Variants in HMCN1 observed in about 807,000 individuals in gnomAD.
HMCN1 encodes the protein hemicentin-1.
Under a neutral mutation model 625.9 loss-of-function variants are expected in HMCN1, and 321 were observed. The observed-to-expected ratio is 0.51, with a 90% CI of 0.47 to 0.56. The LOEUF (loss-of-function observed/expected upper bound fraction) is 0.56. HMCN1 is among the 20% of genes least tolerant of loss of function. The pLI is 0.00. For missense variants in HMCN1, 6,588 were observed against 6,887.3 expected (o/e 0.96, Z 1.54); for synonymous variants, 2,425 against 2,417.6 (o/e 1.00, Z -0.09).
intron 97 of HMCN1, among the ~76,000 whole-genome samples, chr1:186,163,462 C>T (rs1468827941): frequency 2.6e-5 from 4 of 152,150 alleles, no homozygotes; most frequent in Admixed American, 1.3e-4. Flanking sequence ...GAACCCAGTA[C>T]CTCAGATGGA....
At chr1:186,155,137 A>ATTTAT (rs1650912023) in intron 97 of HMCN1, among the ~76,000 whole-genome samples, 1 of 152,222 alleles carries the variant, frequency 6.6e-6, no homozygotes, top group Non-Finnish European at 1.5e-5. Flanking sequence ...TATGCTAAAA[A>ATTTAT]TTTATTTTCA....
intron 81 of HMCN1, among the ~76,000 whole-genome samples, chr1:186,123,462 A>T (rs1437673551): frequency 1.3e-5 from 2 of 152,104 alleles, no homozygotes; most frequent in Non-Finnish European, 2.9e-5. Context: ...AGGATTTTTA[A>T]TGTGTTGCTA....
At chr1:185,841,336 G>C (rs1415003947) in intron 1 of HMCN1, among the ~76,000 whole-genome samples, 2 of 152,092 alleles carry the variant, frequency 1.3e-5, no homozygotes, top group African/African-American at 4.8e-5. Flanking sequence ...TAAAAAATAA[G>C]TTATATATGA....
chr1:185,864,205 C>T lies in HMCN1; in HGVS notation c.340-265C>T, dbSNP rs552632052. 1.7e-4 allele frequency among the ~76,000 whole-genome samples: 26 copies of T among 152,192 alleles called. No individual in the cohort carries two copies. In the East Asian group the frequency reaches 5.0e-3, roughly 29 times the overall value. ...TATGAGATCATCGTGTAAGAGAAGG[C>T]AGAGTGAATAGACATTTAATTTTAT... On this transcript the variant is annotated intron_variant, in intron 2 of 106. Transcript: ENST00000271588.
chr1:186,044,273 TAGC>T (rs1656403565), intron 40 of HMCN1, among the ~76,000 whole-genome samples: 1 of 152,178 alleles, frequency 6.6e-6, no homozygotes, highest in Admixed American at 6.6e-5. Flanking sequence ...CTACTAAATT[TAGC>T]AGAAGGAACG....
At chr1:185,735,260 G>A (rs1040456551) in intron 1 of HMCN1, among the ~76,000 whole-genome samples, 2 of 152,178 alleles carry the variant, frequency 1.3e-5, no homozygotes, top group East Asian at 3.9e-4. Context: ...CTTGTTTAGG[G>A]AACTTGTACT....
At chr1:186,003,668 G>C (rs2102075133) in intron 28 of HMCN1, 50 bp from the exon 29 acceptor site, 1 of 1,598,876 alleles carries the variant, frequency 6.3e-7, no homozygotes, top group South Asian at 1.1e-5. Context: ...CCCCATGCCT[G>C]CTCTTTTTGC....
At position 186,001,704 on chromosome 1, in the gene HMCN1, A is replaced by G. The variant is rs998608541; in HGVS notation, c.4311A>G (p.Ala1437=). 1.2e-6 allele frequency: 2 copies of G among 1,612,636 alleles called. No individual in the cohort carries two copies. Among genetic ancestry groups the G allele is most frequent in the South Asian group, 2.2e-5 (2 of 91,056 alleles). The change falls in exon 28 of 107, where the codon GCA becomes GCG. Residue 1437 remains alanine (A), a synonymous_variant. Coordinates refer to ENST00000271588, the MANE Select transcript of HMCN1 (RefSeq NM_031935.3). ...ATTCCTGCAAAGCAATTAATATTGC[A>G]GGCACTTCTCAGAAGTACTTTAACA... is the stretch of plus-strand genomic sequence containing the variant. ...GRYSCKAINI[A]GTSQKYFNID...
At chr1:185,884,875 A>T (rs6690968) in intron 4 of HMCN1, among the ~76,000 whole-genome samples, 1 of 152,010 alleles carries the variant, frequency 6.6e-6, no homozygotes, top group Non-Finnish European at 1.5e-5. Flanking sequence ...AATGGCATTG[A>T]TCGTATCAAA....
At chr1:185,771,409 C>T (rs553755848) in intron 1 of HMCN1, among the ~76,000 whole-genome samples, 54 of 152,212 alleles carry the variant, frequency 3.5e-4, no homozygotes, top group African/African-American at 1.3e-3. Context: ...TTTGGTTAGG[C>T]TCTAGGAATG....
intron 1 of HMCN1, among the ~76,000 whole-genome samples, chr1:185,764,041 T>C (rs1313772666): frequency 6.6e-6 from 1 of 152,164 alleles, no homozygotes; most frequent in East Asian, 1.9e-4. Context: ...TCATTCTTCA[T>C]GGGAAGGAAG....
chr1:185,919,656 G>C (rs934393965), intron 6 of HMCN1, among the ~76,000 whole-genome samples: 1 of 152,110 alleles, frequency 6.6e-6, no homozygotes, highest in Non-Finnish European at 1.5e-5. Context: ...CCTCAAACCA[G>C]CATAATTAAA....
chr1:186,065,416 T>A lies in HMCN1; in HGVS notation c.7692T>A (p.Ser2564Arg), dbSNP rs1244136353. Reference protein sequence around the residue: ...SPAGHKSRSFSLNVFVSPTIA... With the variant: ...SPAGHKSRSFRLNVFVSPTIA... Reference sequence around the variant, plus strand: ...CTGGCCACAAGAGCAGGAGCTTCAGTCTTAATGTATTTGGTAGGTGTGGGC... The same window carrying A: ...CTGGCCACAAGAGCAGGAGCTTCAGACTTAATGTATTTGGTAGGTGTGGGC... The change falls in exon 49 of 107, where the codon AGT (serine) becomes AGA (arginine). Residue 2564 changes from serine to arginine, a missense_variant. This residue lies in a region of HMCN1 where 4,628 missense variants were observed against 4,853.1 expected (regional missense o/e 0.95). Transcript: ENST00000271588. The A allele has an allele frequency of 6.2e-7, 1 of 1,603,642 alleles. No homozygotes were observed. Among genetic ancestry groups the A allele is most frequent in the African/African-American group, 1.3e-5 (1 of 74,734 alleles).
rs760636262 is a variant in HMCN1, at chr1:186,057,340, C to G, written c.7251C>G (p.Ser2417=). 2 of 1,610,972 alleles carry G rather than the reference C, an allele frequency of 1.2e-6. No homozygotes were observed. The highest frequency in any genetic ancestry group is 1.7e-6 in the Non-Finnish European group (2 of 1,177,542). The part of the protein sequence containing the change: ...TCEASGIPLP[S]ITWFKDGWPV... ...AAGCTTCTGGAATTCCCCTGCCTTC[C>G]ATAACCTGGTTCAAAGATGGGTGGC... The change falls in exon 46 of 107, where the codon TCC becomes TCG. Residue 2417 remains serine, a synonymous_variant. Coordinates refer to ENST00000271588, the MANE Select transcript of HMCN1 (RefSeq NM_031935.3).
intron 4 of HMCN1, among the ~76,000 whole-genome samples, chr1:185,904,009 C>T (rs1252782106): frequency 4.6e-5 from 7 of 151,914 alleles, no homozygotes; most frequent in South Asian, 4.2e-4. Flanking sequence ...TTTATTTTCA[C>T]GGGATGATGT....
At chr1:186,169,401 A>G (rs566745621) in intron 100 of HMCN1, among the ~76,000 whole-genome samples, 1 of 152,346 alleles carries the variant, frequency 6.6e-6, no homozygotes, top group African/African-American at 2.4e-5. Context: ...CTAAGCAAAA[A>G]GAACAAAGCT....
chr1:185,902,375 A>G (rs1665852582), intron 4 of HMCN1, among the ~76,000 whole-genome samples: 1 of 149,908 alleles, frequency 6.7e-6, no homozygotes, highest in South Asian at 2.1e-4. Context: ...CCCATGTGCT[A>G]TGTCTCTATC....
chr1:185,858,586 ATTTTTTTT>A (rs71101980), intron 2 of HMCN1, among the ~76,000 whole-genome samples: 3 of 34,740 alleles, frequency 8.6e-5, no homozygotes, highest in African/African-American at 2.2e-4. Flanking sequence ...CACCCAGCTA[ATTTTTTTT>A]TTTTTTTTTT....
At position 186,178,379 on chromosome 1, in the gene HMCN1, C is replaced by CTT; in HGVS notation, c.15944-29_15944-28dup. ...GTGTTTTGTGTGTGTATGTATGTGTCTTTTTTTTTCTTTTTTATATCATGG... is the reference window on the plus strand; with the variant it reads ...GTGTTTTGTGTGTGTATGTATGTGTCTTTTTTTTTTTCTTTTTTATATCATGG... On this transcript the variant is annotated intron_variant, in intron 103 of 106. Transcript: ENST00000271588. 4.9e-6 allele frequency: 7 copies of CTT among 1,423,808 alleles called. No homozygotes were observed. In the African/African-American group the frequency reaches 9.9e-5, roughly 20 times the overall value. The allele number at this position is 1,423,808 out of a possible 1,614,324, so 88.2% of individuals were successfully genotyped here.
Sources: allele counts gnomAD v4.1 joint callset (sites outside exome capture counted in the v4.1 genomes callset), GRCh38; gene constraint gnomAD v4.1.1; regional missense constraint gnomAD v4.1.1; transcripts MANE v1.5; gene names NCBI Gene and HGNC (gene_info 2026-07-23, HGNC 2026-07-21).